Variants in PCDHA4 observed in about 807,000 individuals in gnomAD.
PCDHA4 encodes the protein protocadherin alpha 4.
In PCDHA4, 49 loss-of-function variants were observed where a neutral mutation model predicts 61.4. The ratio of observed to expected loss-of-function variants is 0.80; its 90% CI spans 0.63 to 1.01. PCDHA4 has a LOEUF of 1.01. PCDHA4 is among the 50% of genes least tolerant of loss of function. The pLI is 0.00. For synonymous variants in PCDHA4, 590 were observed against 550.3 expected (o/e 1.07, Z -1.01); for missense variants, 1,254 against 1,235.8 (o/e 1.01, Z -0.22).
intron 1 of PCDHA4, chr5:140,967,070 A>C (rs781831975): frequency 6.2e-7 from 1 of 1,613,072 alleles, no homozygotes; most frequent in South Asian, 1.1e-5. Context: ...GCTCTTCGTC[A>C]ACGAGCGCAT....
chr5:140,893,111 T>G (rs2063826181), intron 1 of PCDHA4, among the ~76,000 whole-genome samples: 1 of 152,236 alleles, frequency 6.6e-6, no homozygotes, highest in Non-Finnish European at 1.5e-5. Flanking sequence ...TATTCCGTTG[T>G]GCATATACAC....
chr5:140,939,900 A>G (rs916984176), intron 1 of PCDHA4, among the ~76,000 whole-genome samples: 5 of 152,150 alleles, frequency 3.3e-5, no homozygotes, highest in Admixed American at 3.3e-4. Flanking sequence ...AATATTCTGC[A>G]TTCTTTTTTA....
chr5:140,946,875 G>T (rs1283632599), intron 1 of PCDHA4, among the ~76,000 whole-genome samples: 1 of 151,288 alleles, frequency 6.6e-6, no homozygotes, highest in Non-Finnish European at 1.5e-5. Flanking sequence ...TGGTCAATGG[G>T]TACGAAGTTA....
Position 140,809,086 on chromosome 5 carries a change from A to C in PCDHA4, c.1899A>C (p.Thr633=), listed in dbSNP as rs781838833. The C allele has an allele frequency of 2.5e-6, 4 of 1,613,938 alleles. No individual in the cohort carries two copies. The highest frequency in any genetic ancestry group is 2.5e-6 in the Non-Finnish European group (3 of 1,179,908). ...RVGLYTGEIS[T]TRALDETDAP... ...GGCTGTACACTGGCGAGATCAGCAC[A>C]ACGCGTGCCCTGGACGAAACGGACG... Residue 633 remains threonine, a synonymous_variant, in exon 1 of 4, where the codon ACA becomes ACC. Coordinates refer to ENST00000530339, the MANE Select transcript of PCDHA4 (RefSeq NM_018907.4).
rs111233751 is a variant in PCDHA4, at chr5:140,887,119, C to T, written c.2385+77547C>T. On this transcript the variant is annotated intron_variant, in intron 1 of 3. Transcript: ENST00000530339. ...TTTATCTCTTTTTTTTTTTTTGAGA[C>T]GGAGTCTCACTCTGTCGCCCAGGCT... 6.0e-3 allele frequency among the ~76,000 whole-genome samples: 904 copies of T among 149,504 alleles called. 4 individuals are homozygous for T. The highest frequency in any genetic ancestry group is 0.014 in the Middle Eastern group (4 of 294).
At chr5:140,852,265 T>C in intron 1 of PCDHA4, 1 of 505,256 alleles carries the variant, frequency 2.0e-6, no homozygotes, top group Non-Finnish European at 2.6e-6. Flanking sequence ...TATGCTACAA[T>C]ATTACATGTT....
chr5:140,884,634 GGGA>G (rs1562808845), intron 1 of PCDHA4: 3 of 1,612,414 alleles, frequency 1.9e-6, no homozygotes, highest in Non-Finnish European at 2.5e-6. Context: ...ACAGGCCAGA[GGGA>G]GGAGGACTCA....
At chr5:140,943,277 AG>A (rs199866143) in intron 1 of PCDHA4, among the ~76,000 whole-genome samples, 16,429 of 127,604 alleles carry the variant, frequency 0.13, 1,638 homozygotes, top group African/African-American at 0.18. Flanking sequence ...AAAAAAAAAA[AG>A]AAAGAAAGAA....
chr5:141,009,494 A>G (rs1554262180), intron 3 of PCDHA4, 133 bp from the exon 4 acceptor site: 16 of 1,488,800 alleles, frequency 1.1e-5, no homozygotes, highest in Non-Finnish European at 1.4e-5. Flanking sequence ...TTGCCCTCAG[A>G]CTTGAACAAA....
At chr5:140,898,864 A>C (rs1401711928) in intron 1 of PCDHA4, among the ~76,000 whole-genome samples, 3 of 149,656 alleles carry the variant, frequency 2.0e-5, no homozygotes, top group African/African-American at 7.5e-5. Flanking sequence ...CTTTTATTTC[A>C]TTGAGCAGTG....
intron 1 of PCDHA4, among the ~76,000 whole-genome samples, chr5:140,832,019 T>C (rs2150199217): frequency 4.6e-5 from 7 of 152,356 alleles, no homozygotes; most frequent in Non-Finnish European, 1.0e-4. Context: ...TACGTAAAGA[T>C]TGAATTTTTG....
intron 1 of PCDHA4, among the ~76,000 whole-genome samples, chr5:140,895,416 C>A (rs2065002617): frequency 6.6e-6 from 1 of 152,168 alleles, no homozygotes; most frequent in South Asian, 2.1e-4. Context: ...CCATAACCTT[C>A]TTTTGCTTCC....
intron 1 of PCDHA4, among the ~76,000 whole-genome samples, chr5:140,900,333 C>T (rs10071692): frequency 3.3e-5 from 5 of 151,856 alleles, no homozygotes; most frequent in Admixed American, 6.6e-5. Flanking sequence ...GCTGGAGTAC[C>T]GTGGCGCAAT....
chr5:140,868,477 A>T (rs1165630673), intron 1 of PCDHA4: 1 of 152,380 alleles, frequency 6.6e-6, no homozygotes, highest in Non-Finnish European at 1.5e-5. Flanking sequence ...ATAAAACTTC[A>T]ATTTTTTCTT....
At chr5:140,859,113 T>C (rs1042936960) in intron 1 of PCDHA4, 1 of 150,138 alleles carries the variant, frequency 6.7e-6, no homozygotes, top group Non-Finnish European at 1.5e-5. Context: ...CAGAAGAAAA[T>C]GTATGTTTCT....
At chr5:140,927,725 C>CA in intron 1 of PCDHA4, 1 of 1,614,202 alleles carries the variant, frequency 6.2e-7, no homozygotes, top group Non-Finnish European at 8.5e-7. Context: ...AGCACGCAAG[C>CA]AGAGCTGCGA....
chr5:140,850,260 G>A lies in PCDHA4; in HGVS notation c.2385+40688G>A, dbSNP rs371305325. ...GGTGCTGCGGTCGGTGGGCGCCGGC[G>A]TAGTGGTGGGGAAGGTGCGCGCAGT... On this transcript the variant is annotated intron_variant, in intron 1 of 3. Coordinates refer to ENST00000530339, the MANE Select transcript of PCDHA4 (RefSeq NM_018907.4). 17 of 1,594,256 alleles carry A rather than the reference G, an allele frequency of 1.1e-5. 2 individuals are homozygous for A. The highest frequency in any genetic ancestry group is 4.0e-5 in the African/African-American group (3 of 74,174).
intron 1 of PCDHA4, among the ~76,000 whole-genome samples, chr5:140,896,683 C>T (rs2153454060): frequency 6.6e-6 from 1 of 152,068 alleles, no homozygotes; most frequent in South Asian, 2.1e-4. Context: ...GGCCCTTTGC[C>T]CATTTTTTGA....
At chr5:140,998,738 A>G (rs1163158052) in intron 3 of PCDHA4, among the ~76,000 whole-genome samples, 1 of 151,972 alleles carries the variant, frequency 6.6e-6, no homozygotes, top group Non-Finnish European at 1.5e-5. Context: ...CTAATTTTGT[A>G]TTTTTAGAAG....
Sources: allele counts gnomAD v4.1 joint callset (sites outside exome capture counted in the v4.1 genomes callset), GRCh38; gene constraint gnomAD v4.1.1; transcripts MANE v1.5; gene names NCBI Gene and HGNC (gene_info 2026-07-23, HGNC 2026-07-21).